The following EML4 variants were observed in gnomAD, a reference collection of about 807,000 sequenced individuals.
EML4 encodes the protein echinoderm microtubule-associated protein-like 4.
In EML4, 72 loss-of-function variants were observed where a neutral mutation model predicts 129.0. The ratio of observed to expected loss-of-function variants is 0.56; its 90% CI spans 0.46 to 0.68. The LOEUF (loss-of-function observed/expected upper bound fraction) is 0.68. EML4 is among the 30% of genes least tolerant of loss of function. The pLI is 0.00. For missense variants in EML4, 1,363 were observed against 1,190.6 expected, an observed-to-expected ratio of 1.14 and a Z score of -2.13; for synonymous variants, 532 against 405.0, an observed-to-expected ratio of 1.31 and a Z score of -3.77.
At chr2:42,250,153 A>T (rs1045085780) in intron 2 of EML4, among the ~76,000 whole-genome samples, 2 of 152,208 alleles carry the variant, frequency 1.3e-5, no homozygotes, top group African/African-American at 4.8e-5. Context: ...AATTTATCTG[A>T]AGTTGGCAGT....
chr2:42,295,871 G>A (rs553589785), intron 13 of EML4, among the ~76,000 whole-genome samples: 18 of 152,128 alleles, frequency 1.2e-4, no homozygotes, highest in Non-Finnish European at 2.4e-4. Context: ...GTGATAAAAT[G>A]GAAGAGTGGA....
At chr2:42,220,033 G>C (rs376404889) in intron 1 of EML4, among the ~76,000 whole-genome samples, 1 of 151,860 alleles carries the variant, frequency 6.6e-6, no homozygotes, top group African/African-American at 2.4e-5. Flanking sequence ...AGTATGTCTT[G>C]AAGATTTATT....
At position 42,295,483 on chromosome 2, in the gene EML4, A is replaced by G. The variant is rs768074232; in HGVS notation, c.1456A>G (p.Thr486Ala). The G allele has an allele frequency of 8.7e-6, 14 of 1,613,678 alleles. No homozygotes were observed. Among genetic ancestry groups the G allele is most frequent in the Non-Finnish European group, 1.2e-5 (14 of 1,179,898 alleles). Residue 486 changes from threonine to alanine, a missense_variant, in exon 13 of 23, where the codon ACT (threonine) becomes GCT (alanine). Coordinates refer to ENST00000318522, the MANE Select transcript of EML4 (RefSeq NM_019063.5). Reference protein sequence around the residue: ...GGVMLIWSKTTVEPTPGKGPK... With the variant: ...GGVMLIWSKTAVEPTPGKGPK... ...AGTCATGCTTATATGGAGCAAAACT[A>G]CTGTAGAGCCCACACCTGGGAAAGG...
At chr2:42,286,233 C>G (rs528013561) in intron 9 of EML4, 36 bp from the exon 10 acceptor site, 1 of 1,187,980 alleles carries the variant, frequency 8.4e-7, no homozygotes, top group Non-Finnish European at 1.3e-6. Flanking sequence ...TTTGCATCCA[C>G]CTGTCCAGTT....
At chr2:42,327,515 T>C (rs1161061990) in intron 21 of EML4, among the ~76,000 whole-genome samples, 1 of 152,212 alleles carries the variant, frequency 6.6e-6, no homozygotes, top group Non-Finnish European at 1.5e-5. Flanking sequence ...TATTATTATT[T>C]TGCGTGTGGA....
chr2:42,205,846 A>G (rs1401620334), intron 1 of EML4, among the ~76,000 whole-genome samples: 5 of 152,158 alleles, frequency 3.3e-5, no homozygotes, highest in South Asian at 4.1e-4. Context: ...TTAACAGACT[A>G]TGTAGTCAGT....
At chr2:42,257,120 G>A (rs191992843) in intron 3 of EML4, among the ~76,000 whole-genome samples, 18 of 152,224 alleles carry the variant, frequency 1.2e-4, no homozygotes, top group Admixed American at 4.6e-4. Flanking sequence ...GTGTGGGGGT[G>A]TATGTGTGTG....
Position 42,288,211 on chromosome 2 carries a change from A to T in EML4, c.1123-16A>T. ...ATCAGTGAATTTTAAAATGCCTCTGATTGACTTTTCTTTAGGATTCAGGTG... is the reference window on the plus strand; with the variant it reads ...ATCAGTGAATTTTAAAATGCCTCTGTTTGACTTTTCTTTAGGATTCAGGTG... On this transcript the variant is annotated splice_polypyrimidine_tract_variant and intron_variant, in intron 10 of 22. Transcript: ENST00000318522. The T allele has an allele frequency of 8.7e-7, 1 of 1,145,622 alleles. No homozygotes were observed. The highest frequency in any genetic ancestry group is 1.4e-5 in the South Asian group (1 of 69,342). 71.0% of individuals were successfully genotyped at this position (1,145,622 alleles called of 1,614,324 possible).
chr2:42,275,877 G>C (rs1666630052), intron 6 of EML4, among the ~76,000 whole-genome samples: 2 of 151,938 alleles, frequency 1.3e-5, no homozygotes, highest in South Asian at 4.2e-4. Flanking sequence ...TCCTTTTCTG[G>C]ACCACCAGAC....
chr2:42,226,415 T>C (rs1673959377), intron 1 of EML4, among the ~76,000 whole-genome samples: 1 of 151,740 alleles, frequency 6.6e-6, no homozygotes, highest in Non-Finnish European at 1.5e-5. Flanking sequence ...AACCCAGCAC[T>C]TTGGGAGGCC....
At chr2:42,169,696 C>T (rs1670141868) in intron 1 of EML4, 60 bp downstream of exon 1, 3 of 1,573,902 alleles carry the variant, frequency 1.9e-6, no homozygotes, top group Admixed American at 1.8e-5. Context: ...TTTCCTTCCG[C>T]ACACAGCCCA....
intron 17 of EML4, among the ~76,000 whole-genome samples, chr2:42,313,607 A>T (rs919443407): frequency 1.3e-5 from 2 of 152,008 alleles, no homozygotes; most frequent in Non-Finnish European, 2.9e-5. Flanking sequence ...CCTTTCCCAG[A>T]TATTAGTTAT....
At chr2:42,254,970 A>G (rs1676031003) in intron 2 of EML4, among the ~76,000 whole-genome samples, 1 of 152,232 alleles carries the variant, frequency 6.6e-6, no homozygotes, top group Non-Finnish European at 1.5e-5. Flanking sequence ...ATGTGCTACA[A>G]CATGGTGAAC....
chr2:42,181,084 G>T (rs1670909011), intron 1 of EML4, among the ~76,000 whole-genome samples: 1 of 152,182 alleles, frequency 6.6e-6, no homozygotes, highest in South Asian at 2.1e-4. Flanking sequence ...TACTGATGAT[G>T]TCCATTCTGA....
At chr2:42,233,593 C>T (rs1309829923) in intron 1 of EML4, among the ~76,000 whole-genome samples, 1 of 152,152 alleles carries the variant, frequency 6.6e-6, no homozygotes, top group Non-Finnish European at 1.5e-5. Context: ...AGGCTTGAGC[C>T]ACCGCACCCA....
At chr2:42,176,506 A>G (rs918893423) in intron 1 of EML4, among the ~76,000 whole-genome samples, 3 of 152,184 alleles carry the variant, frequency 2.0e-5, no homozygotes, top group African/African-American at 7.2e-5. Flanking sequence ...CTGTCTTACC[A>G]TGTTCTGACC....
intron 1 of EML4, among the ~76,000 whole-genome samples, chr2:42,173,064 C>G (rs1670368778): frequency 1.3e-5 from 2 of 152,258 alleles, no homozygotes; most frequent in Admixed American, 1.3e-4. Flanking sequence ...GGATTAGGAT[C>G]TATAAGAAAC....
At chr2:42,303,276 T>C in intron 15 of EML4, 39 bp from the exon 16 acceptor site, 1 of 1,613,968 alleles carries the variant, frequency 6.2e-7, no homozygotes, top group Admixed American at 1.7e-5. Flanking sequence ...TTTATGATAT[T>C]CTTTGGTTCT....
At chr2:42,251,652 T>A (rs542858073) in intron 2 of EML4, among the ~76,000 whole-genome samples, 18 of 152,296 alleles carry the variant, frequency 1.2e-4, no homozygotes, top group South Asian at 4.1e-4. Flanking sequence ...ACGAAGAGCC[T>A]GAAAATGAGG....
Sources: allele counts gnomAD v4.1 joint callset (sites outside exome capture counted in the v4.1 genomes callset), GRCh38; gene constraint gnomAD v4.1.1; transcripts MANE v1.5; gene names NCBI Gene and HGNC (gene_info 2026-07-23, HGNC 2026-07-21).